SRRM4: variants seen among roughly 807,000 people sequenced by gnomAD.
The protein encoded by SRRM4 is serine/arginine repetitive matrix 4.
Under a neutral mutation model 68.9 loss-of-function variants are expected in SRRM4, and 33 were observed. The observed-to-expected ratio is 0.48, with a 90% confidence interval of 0.36 to 0.64. SRRM4 has a LOEUF of 0.64. SRRM4 is among the 30% of genes least tolerant of loss of function. The probability of loss-of-function intolerance (pLI) is 0.00; values close to 1 mark genes in which losing one functional copy is unlikely to be tolerated. For synonymous variants in SRRM4, 318 were observed against 318.8 expected, an observed-to-expected ratio of 1.00 and a Z score of 0.03; for missense variants, 817 against 827.1, an observed-to-expected ratio of 0.99 and a Z score of 0.15.
intron 1 of SRRM4, 63 bp from the exon 2 acceptor site, chr12:119,102,173 T>C: frequency 1.4e-6 from 2 of 1,460,606 alleles, no homozygotes; most frequent in Non-Finnish European, 1.9e-6. Flanking sequence ...TATGAATATT[T>C]AATGAACATT....
At chr12:119,077,965 G>T (rs1953926277) in intron 1 of SRRM4, among the ~76,000 whole-genome samples, 1 of 152,136 alleles carries the variant, frequency 6.6e-6, no homozygotes, top group Non-Finnish European at 1.5e-5. Flanking sequence ...GAGTCACTTT[G>T]CCTCTCACTA....
chr12:119,096,213 T>C (rs1954043883), intron 1 of SRRM4, among the ~76,000 whole-genome samples: 1 of 149,214 alleles, frequency 6.7e-6, no homozygotes, highest in Admixed American at 6.7e-5. Flanking sequence ...TTTGTATTTT[T>C]AGCAGTGACG....
chr12:119,030,156 C>T (rs1331277652), intron 1 of SRRM4, among the ~76,000 whole-genome samples: 1 of 152,174 alleles, frequency 6.6e-6, no homozygotes, highest in African/African-American at 2.4e-5. Context: ...TTTCAGCACA[C>T]ATGTTTTCCT....
Position 119,102,332 on chromosome 12 carries a change from T to C in SRRM4, c.228T>C (p.Ser76=), listed in dbSNP as rs760719631. 2.5e-6 allele frequency: 4 copies of C among 1,612,668 alleles called. No individual in the cohort carries two copies. The highest frequency in any genetic ancestry group is 3.4e-6 in the Non-Finnish European group (4 of 1,179,398). The change falls in exon 2 of 13, where the codon AGT becomes AGC. Residue 76 remains serine (S), a synonymous_variant. Coordinates refer to ENST00000267260, the MANE Select transcript of SRRM4 (RefSeq NM_194286.4). Reference sequence around the variant, plus strand: ...CCACCGAGCCCTTGGGCACCAACAGTTGGGAGAGAGACAAGACCTGTCGGG... The same window carrying C: ...CCACCGAGCCCTTGGGCACCAACAGCTGGGAGAGAGACAAGACCTGTCGGG... ...HLATEPLGTN[S]WERDKTCREL...
At chr12:119,077,448 C>T (rs750041142) in intron 1 of SRRM4, among the ~76,000 whole-genome samples, 2 of 152,126 alleles carry the variant, frequency 1.3e-5, no homozygotes, top group Non-Finnish European at 2.9e-5. Context: ...TCTTTTTGAA[C>T]ATCAATCATC....
chr12:119,125,844 C>T (rs907732849), intron 7 of SRRM4, among the ~76,000 whole-genome samples: 1 of 150,570 alleles, frequency 6.6e-6, no homozygotes, highest in Non-Finnish European at 1.5e-5. Context: ...TCGCTTGAAC[C>T]CAGGAGATGG....
At chr12:119,010,146 A>G (rs1953439902) in intron 1 of SRRM4, among the ~76,000 whole-genome samples, 1 of 152,146 alleles carries the variant, frequency 6.6e-6, no homozygotes, top group Non-Finnish European at 1.5e-5. Context: ...TCCGCCTCCC[A>G]GGTTCAAGCA....
chr12:119,043,442 T>A (rs562463926), intron 1 of SRRM4, among the ~76,000 whole-genome samples: 1 of 152,228 alleles, frequency 6.6e-6, no homozygotes, highest in African/African-American at 2.4e-5. Flanking sequence ...CATGTGGGGC[T>A]TAATACCTAG....
At chr12:119,127,549 G>A (rs1407104915) in intron 7 of SRRM4, among the ~76,000 whole-genome samples, 1 of 152,020 alleles carries the variant, frequency 6.6e-6, no homozygotes, top group Non-Finnish European at 1.5e-5. Context: ...CCAACATAGT[G>A]AAACCTTGTC....
chr12:119,147,125 A>G (rs1954408153), intron 9 of SRRM4, among the ~76,000 whole-genome samples: 1 of 152,242 alleles, frequency 6.6e-6, no homozygotes, highest in South Asian at 2.1e-4. Context: ...AATGCTATTC[A>G]GTGCTCGGAA....
intron 1 of SRRM4, among the ~76,000 whole-genome samples, chr12:119,093,716 C>T (rs1254592905): frequency 2.0e-5 from 3 of 152,158 alleles, no homozygotes; most frequent in Non-Finnish European, 4.4e-5. Flanking sequence ...GCATTTTTCC[C>T]AGCATCACCT....
At chr12:119,117,088 G>T (rs1954185426) in intron 4 of SRRM4, 80 bp downstream of exon 4, 1 of 1,118,894 alleles carries the variant, frequency 8.9e-7, no homozygotes, top group Admixed American at 1.8e-5. Flanking sequence ...AGGTCATCTG[G>T]AAGCATATCA....
chr12:119,142,875 A>G (rs562852662), intron 8 of SRRM4, among the ~76,000 whole-genome samples: 20 of 152,274 alleles, frequency 1.3e-4, no homozygotes, highest in Non-Finnish European at 2.4e-4. Context: ...TGAACTCCAG[A>G]GTTGAGAAAG....
intron 2 of SRRM4, among the ~76,000 whole-genome samples, chr12:119,107,929 C>T (rs1481210812): frequency 6.6e-6 from 1 of 152,128 alleles, no homozygotes; most frequent in African/African-American, 2.4e-5. Context: ...TTAGATCTTT[C>T]CTGCTTTCTA....
chr12:119,150,828 G>A (rs779219961), intron 9 of SRRM4, among the ~76,000 whole-genome samples, 189 bp from the exon 10 acceptor site: 1 of 152,192 alleles, frequency 6.6e-6, no homozygotes, highest in Non-Finnish European at 1.5e-5. Flanking sequence ...CTACTTTTAA[G>A]GTATCTTCTG....
intron 8 of SRRM4, among the ~76,000 whole-genome samples, chr12:119,143,319 TA>T (rs1329206958): frequency 2.6e-5 from 4 of 152,176 alleles, no homozygotes; most frequent in Non-Finnish European, 5.9e-5. Flanking sequence ...ATGCACAAGA[TA>T]AAGTTTGGGG....
chr12:119,098,642 A>G (rs553682961), intron 1 of SRRM4, among the ~76,000 whole-genome samples: 1 of 152,260 alleles, frequency 6.6e-6, no homozygotes, highest in South Asian at 2.1e-4. Context: ...CAAGGGAGCA[A>G]AGGCATACCA....
intron 3 of SRRM4, 69 bp from the exon 4 acceptor site, chr12:119,116,868 G>A: frequency 1.5e-6 from 2 of 1,361,270 alleles, no homozygotes; most frequent in Non-Finnish European, 2.1e-6. Context: ...GACTGGGGAA[G>A]GTTCTTTTTG....
chr12:119,136,444 G>T (rs1223918317), intron 8 of SRRM4, among the ~76,000 whole-genome samples: 1 of 151,730 alleles, frequency 6.6e-6, no homozygotes, highest in Non-Finnish European at 1.5e-5. Context: ...AATGAGATTT[G>T]GGGATTTTCT....
Sources: gnomAD v4.1 joint callset for allele counts (sites outside exome capture counted in the v4.1 genomes callset) on GRCh38, gnomAD v4.1.1 for gene constraint, MANE v1.5 for transcripts, NCBI Gene and HGNC (gene_info 2026-07-23, HGNC 2026-07-21) for gene names.